The following MREG variants were observed in gnomAD, a reference collection of about 807,000 sequenced individuals.
MREG encodes melanoregulin.
A neutral mutation model predicts 28.5 loss-of-function variants in MREG; 31 were observed. That is an observed-to-expected ratio of 1.09 (90% CI 0.82 to 1.47). The LOEUF (loss-of-function observed/expected upper bound fraction) is 1.47, where lower values mean the gene tolerates loss of function less well. MREG is among the 40% of genes most tolerant of loss of function. The pLI, the probability that MREG is intolerant of heterozygous loss-of-function variation, is 0.00. For missense variants in MREG, 256 were observed against 257.4 expected (o/e 0.99, Z 0.04); for synonymous variants, 106 against 95.2 (o/e 1.11, Z -0.66).
Position 216,031,691 on chromosome 2 carries a change from G to GAAAGAGAA in MREG, c.-68+1097_-68+1098insTTCTCTTT, listed in dbSNP as rs1473248845. ...AGAAAGAAAGAAAGAAAGAAAGAAAGAGAAAGAAAGAAAGAAAGAAAGGGA... is the reference window on the plus strand; with the variant it reads ...AGAAAGAAAGAAAGAAAGAAAGAAAGAAAGAGAAAGAAAGAAAGAAAGAAAGAAAGGGA... On this transcript the variant is annotated intron_variant, in intron 1 of 3. Transcript: ENST00000420348. Among the ~76,000 whole-genome samples the GAAAGAGAA allele has an allele frequency of 5.7e-4, 35 of 61,158 alleles. 1 individual carries two copies. In the South Asian group the frequency reaches 0.012, roughly 20 times the overall value. 40.1% of individuals were successfully genotyped at this position (61,158 alleles called of 152,430 possible).
chr2:215,977,476 C>T (rs1016650933), intron 2 of MREG, among the ~76,000 whole-genome samples: 17 of 152,152 alleles, frequency 1.1e-4, no homozygotes, highest in Non-Finnish European at 2.4e-4. Context: ...ATCAACGAGA[C>T]AGAAAATTAA....
chr2:215,958,280 A>G (rs1208415502), intron 2 of MREG, among the ~76,000 whole-genome samples: 3 of 150,706 alleles, frequency 2.0e-5, no homozygotes, highest in Non-Finnish European at 3.0e-5. Context: ...AAATAAATAA[A>G]TAAATAAATA....
chr2:216,015,396 C>T (rs1359134689), upstream of MREG, among the ~76,000 whole-genome samples: 2 of 151,842 alleles, frequency 1.3e-5, no homozygotes, highest in Non-Finnish European at 2.9e-5. Context: ...CTATAGGGTA[C>T]CTGTGGGAGA....
At chr2:216,024,617 T>C (rs1694567827) in intron 1 of MREG, among the ~76,000 whole-genome samples, 1 of 152,096 alleles carries the variant, frequency 6.6e-6, no homozygotes, top group Admixed American at 6.5e-5. Context: ...CTCATGCCTA[T>C]AATCCCAGCA....
intron 1 of MREG, among the ~76,000 whole-genome samples, chr2:216,009,787 C>T (rs191721323): frequency 6.4e-4 from 98 of 152,224 alleles, no homozygotes; most frequent in South Asian, 3.9e-3. Context: ...TCGCCTGCCT[C>T]GGCCTCCCAA....
chr2:215,984,518 CAAAAAAAAAA>C (rs375220091), intron 2 of MREG, among the ~76,000 whole-genome samples: 2 of 68,064 alleles, frequency 2.9e-5, no homozygotes, highest in African/African-American at 1.4e-4. Flanking sequence ...ACCTTGTCAC[CAAAAAAAAAA>C]AAAAAAAAAA....
chr2:216,018,078 A>C (rs973583276), upstream of MREG, among the ~76,000 whole-genome samples: 32 of 151,954 alleles, frequency 2.1e-4, no homozygotes, highest in African/African-American at 6.8e-4. Flanking sequence ...CAGGAGAATC[A>C]CTTGAACCCA....
Position 216,002,894 on chromosome 2 carries a change from TG to T in MREG, c.96-6430del, listed in dbSNP as rs1295216163. Among the ~76,000 whole-genome samples the T allele has an allele frequency of 7.3e-5, 11 of 151,658 alleles. No individual in the cohort carries two copies. The East Asian group carries it at 1.9e-3, about 27-fold the overall frequency. On this transcript the variant is annotated intron_variant, in intron 1 of 4. Transcript: ENST00000263268. ...TTCTCTCTCCCTGTCCTTCTCTTTC[TG>T]TCTCTCTTCTCTCTTTCTCTCCCTC...
intron 1 of MREG, among the ~76,000 whole-genome samples, chr2:216,031,107 G>A (rs560106250): frequency 8.5e-5 from 13 of 152,054 alleles, no homozygotes; most frequent in East Asian, 7.7e-4. Context: ...GTAACAACGC[G>A]TTAGAAAGAG....
At position 215,996,570 on chromosome 2, in the gene MREG, T is replaced by A. The variant is rs928137078; in HGVS notation, c.96-105A>T. On this transcript the variant is annotated intron_variant, in intron 1 of 4. Coordinates refer to ENST00000263268, the MANE Select transcript of MREG (RefSeq NM_018000.3). ...ATCAATTAAAACTTATACTATGTAA[T>A]ATATAAATATATTGTCAAAAAGGTC... is the stretch of plus-strand genomic sequence containing the variant. 3 of 750,542 alleles carry A rather than the reference T, an allele frequency of 4.0e-6. No homozygotes were observed. In the African/African-American group the frequency reaches 5.4e-5, roughly 13 times the overall value. The allele number at this position is 750,542 out of a possible 1,614,324, so 46.5% of individuals were successfully genotyped here. A position where few individuals can be genotyped will look rare whatever the true frequency, so the allele number is the denominator to read the frequency against.
chr2:215,964,498 G>GAAAGAAAGAAAAGAACAGAAAATCACACT (rs1388299893), intron 2 of MREG, among the ~76,000 whole-genome samples: 8 of 151,514 alleles, frequency 5.3e-5, no homozygotes, highest in Admixed American at 2.0e-4. Context: ...AAGAAAGAAA[G>GAAAGAAAGAAAAGAACAGAAAATCACACT]AAAGAAAAGA....
chr2:215,970,053 A>G (rs1693046875), intron 2 of MREG, among the ~76,000 whole-genome samples: 1 of 152,198 alleles, frequency 6.6e-6, no homozygotes, highest in Non-Finnish European at 1.5e-5. Context: ...ACTCCCCGCA[A>G]AATTGGTATG....
chr2:215,960,571 C>T (rs1476155642), intron 2 of MREG, among the ~76,000 whole-genome samples: 1 of 152,094 alleles, frequency 6.6e-6, no homozygotes, highest in Non-Finnish European at 1.5e-5. Context: ...CACGGTGGCT[C>T]ATGCCTGTAA....
chr2:215,985,086 G>A (rs1693531319), intron 2 of MREG, among the ~76,000 whole-genome samples: 1 of 152,116 alleles, frequency 6.6e-6, no homozygotes, highest in East Asian at 1.9e-4. Flanking sequence ...AATAATAATG[G>A]TGCCTGCTTC....
chr2:216,004,173 T>A (rs961092241), intron 1 of MREG, among the ~76,000 whole-genome samples: 1 of 152,090 alleles, frequency 6.6e-6, no homozygotes, highest in Non-Finnish European at 1.5e-5. Context: ...GACAGCCACG[T>A]CCTCACTCCT....
chr2:215,976,908 C>T (rs1574619201), intron 2 of MREG, among the ~76,000 whole-genome samples: 1 of 152,174 alleles, frequency 6.6e-6, no homozygotes. Context: ...ACGACTGGTA[C>T]CAGCCTCTGC....
intron 2 of MREG, among the ~76,000 whole-genome samples, chr2:215,987,371 T>C (rs550144108): frequency 2.0e-4 from 31 of 151,974 alleles, no homozygotes; most frequent in Admixed American, 5.2e-4. Flanking sequence ...CTCAGCCTCC[T>C]GAGTAGCTGG....
intron 2 of MREG, among the ~76,000 whole-genome samples, chr2:215,978,248 T>C (rs1038218756): frequency 3.9e-5 from 6 of 152,118 alleles, no homozygotes; most frequent in Non-Finnish European, 8.8e-5. Context: ...GAGAATACTA[T>C]AAACACCTCT....
intron 1 of MREG, among the ~76,000 whole-genome samples, chr2:216,001,934 A>G (rs1444344529): frequency 6.6e-6 from 1 of 152,140 alleles, no homozygotes; most frequent in African/African-American, 2.4e-5. Flanking sequence ...GGCCTGTGTC[A>G]ACAGAATTTA....
Sources: allele counts gnomAD v4.1 joint callset (sites outside exome capture counted in the v4.1 genomes callset), GRCh38; gene constraint gnomAD v4.1.1; transcripts MANE v1.5; gene names NCBI Gene and HGNC (gene_info 2026-07-23, HGNC 2026-07-21).